ABCA13: variants seen among roughly 807,000 people sequenced by gnomAD.
The protein encoded by ABCA13 is ATP-binding cassette sub-family A member 13.
ABCA13 carries 476 observed loss-of-function variants against 478.7 expected under a neutral mutation model. That is an observed-to-expected ratio of 0.99 (90% CI 0.92 to 1.07). The LOEUF (loss-of-function observed/expected upper bound fraction) is 1.07. Among genes scored for constraint, ABCA13 ranks in the 50% least tolerant of loss-of-function variants. The pLI, the probability that ABCA13 is intolerant of heterozygous loss-of-function variation, is 0.00. For synonymous variants in ABCA13, 2,252 were observed against 2,158.9 expected, an observed-to-expected ratio of 1.04 and a Z score of -1.20; for missense variants, 6,060 against 5,910.6, an observed-to-expected ratio of 1.03 and a Z score of -0.83.
intron 59 of ABCA13, among the ~76,000 whole-genome samples, chr7:48,631,097 G>C (rs1794125019): frequency 6.6e-6 from 1 of 151,502 alleles, no homozygotes; most frequent in African/African-American, 2.4e-5. Flanking sequence ...TCATTCTGTG[G>C]GTTGTCTTTT....
intron 55 of ABCA13, among the ~76,000 whole-genome samples, chr7:48,547,665 C>G (rs1393447089): frequency 1.3e-5 from 2 of 151,886 alleles, no homozygotes; most frequent in Non-Finnish European, 2.9e-5. Flanking sequence ...AAATGATACA[C>G]ATTTCAGTGA....
intron 45 of ABCA13, among the ~76,000 whole-genome samples, chr7:48,476,613 G>A (rs554141249): frequency 6.6e-6 from 1 of 152,274 alleles, no homozygotes; most frequent in South Asian, 2.1e-4. Context: ...TTGGTGAAGA[G>A]GCTGACCCCA....
At chr7:48,497,815 A>C (rs1434060056) in intron 48 of ABCA13, among the ~76,000 whole-genome samples, 1 of 152,094 alleles carries the variant, frequency 6.6e-6, no homozygotes, top group East Asian at 1.9e-4. Flanking sequence ...ACAGGTAGTG[A>C]AGTACCAGCT....
intron 28 of ABCA13, among the ~76,000 whole-genome samples, chr7:48,338,069 G>C (rs1806547339): frequency 6.6e-6 from 1 of 152,124 alleles, no homozygotes; most frequent in Admixed American, 6.5e-5. Context: ...CATTATATAG[G>C]TTCGTTTGAA....
At chr7:48,399,900 G>A (rs1817357461) in intron 38 of ABCA13, among the ~76,000 whole-genome samples, 1 of 152,168 alleles carries the variant, frequency 6.6e-6, no homozygotes, top group Non-Finnish European at 1.5e-5. Context: ...CAGGATTTAT[G>A]ATGGGTATGT....
intron 31 of ABCA13, among the ~76,000 whole-genome samples, chr7:48,361,908 T>A (rs1199906845): frequency 6.6e-6 from 1 of 152,008 alleles, no homozygotes. Context: ...TAAATCTGCT[T>A]TGTAATAGTA....
At chr7:48,586,445 T>C (rs1356013527) in intron 56 of ABCA13, among the ~76,000 whole-genome samples, 1 of 152,150 alleles carries the variant, frequency 6.6e-6, no homozygotes, top group Admixed American at 6.5e-5. Flanking sequence ...TGGATGCAGC[T>C]GGAGGCATCA....
At chr7:48,263,937 C>T (rs1230169520) in intron 15 of ABCA13, among the ~76,000 whole-genome samples, 2 of 151,990 alleles carry the variant, frequency 1.3e-5, no homozygotes, top group South Asian at 2.1e-4. Flanking sequence ...AGCTTCTTCT[C>T]TATTGTCAAT....
At chr7:48,295,894 C>G (rs1435405348) in intron 21 of ABCA13, 31 bp downstream of exon 21, 1 of 1,566,662 alleles carries the variant, frequency 6.4e-7, no homozygotes, top group African/African-American at 1.4e-5. Flanking sequence ...ATGCCCTCCC[C>G]AGTACTTCCA....
chr7:48,613,512 C>CTCTTTTCCTTCT (rs1431783353), intron 58 of ABCA13, among the ~76,000 whole-genome samples: 1 of 151,706 alleles, frequency 6.6e-6, no homozygotes, highest in Non-Finnish European at 1.5e-5. Context: ...TGCTAGTTTG[C>CTCTTTTCCTTCT]TGTGTTAAGA....
chr7:48,438,597 A>G (rs976863678), intron 42 of ABCA13, among the ~76,000 whole-genome samples: 1 of 150,698 alleles, frequency 6.6e-6, no homozygotes, highest in African/African-American at 2.4e-5. Context: ...CCATGTTATC[A>G]ATAGCTTTTC....
At chr7:48,467,138 A>G in intron 44 of ABCA13, 93 bp downstream of exon 44, 1 of 1,209,640 alleles carries the variant, frequency 8.3e-7, no homozygotes, top group Non-Finnish European at 1.2e-6. Flanking sequence ...TGGTTATTTC[A>G]TGTCACAAGT....
intron 55 of ABCA13, among the ~76,000 whole-genome samples, chr7:48,571,654 G>T (rs1787659706): frequency 6.6e-6 from 1 of 152,074 alleles, no homozygotes; most frequent in South Asian, 2.1e-4. Flanking sequence ...TGAAGTCTTT[G>T]ACAGTTTGAT....
chr7:48,580,227 C>T lies in ABCA13; in HGVS notation c.14358C>T (p.Asp4786=), dbSNP rs772063286. Residue 4786 remains aspartate (D), a synonymous_variant, in exon 56 of 62, where the codon GAC becomes GAT. Transcript: ENST00000435803. Reference sequence around the variant, plus strand: ...CCTGTGCTGCTTCTCTCTGCAGAGACGCCGTGGACCTGTCTTCTGCTGGCA... The same window carrying T: ...CCTGTGCTGCTTCTCTCTGCAGAGATGCCGTGGACCTGTCTTCTGCTGGCA... ...GHAIIRTPMG[D]AVDLSSAGTA... is the part of the protein sequence containing the mutation. The T allele has an allele frequency of 2.4e-5, 39 of 1,608,244 alleles. No individual in the cohort carries two copies. The Middle Eastern group carries it at 6.6e-4, about 27-fold the overall frequency.
intron 45 of ABCA13, among the ~76,000 whole-genome samples, chr7:48,479,363 G>T (rs962856701): frequency 2.2e-4 from 33 of 151,758 alleles, no homozygotes; most frequent in Non-Finnish European, 1.5e-4. Context: ...TCAGCCTCCC[G>T]AGTAGCTGGG....
intron 42 of ABCA13, 129 bp downstream of exon 42, chr7:48,428,000 G>C (rs1821664296): frequency 1.8e-6 from 1 of 559,514 alleles, no homozygotes; most frequent in Non-Finnish European, 3.0e-6. Context: ...TGTATAGTGA[G>C]GGGGCAAGTA....
chr7:48,247,483 A>C (rs1370582483), intron 13 of ABCA13, among the ~76,000 whole-genome samples: 3 of 152,092 alleles, frequency 2.0e-5, no homozygotes, highest in Non-Finnish European at 4.4e-5. Context: ...GATACGTATC[A>C]CTAACAAATC....
intron 55 of ABCA13, among the ~76,000 whole-genome samples, chr7:48,568,765 CATTGTTTTT>C (rs1395103331): frequency 4.0e-5 from 6 of 151,630 alleles, no homozygotes; most frequent in Non-Finnish European, 5.9e-5. Flanking sequence ...GGTTTTTTGG[CATTGTTTTT>C]ATTGTTTTTA....
intron 15 of ABCA13, among the ~76,000 whole-genome samples, chr7:48,250,509 C>A (rs551516785): frequency 1.3e-5 from 2 of 152,262 alleles, no homozygotes; most frequent in Middle Eastern, 3.4e-3. Context: ...CATTCATTAG[C>A]CTACAAAAAG....
Sources: gnomAD v4.1 joint callset for allele counts (sites outside exome capture counted in the v4.1 genomes callset) on GRCh38, gnomAD v4.1.1 for gene constraint, MANE v1.5 for transcripts, NCBI Gene and HGNC (gene_info 2026-07-23, HGNC 2026-07-21) for gene names.